Variants in SLC41A1 observed in about 807,000 individuals in gnomAD.
SLC41A1 encodes the protein solute carrier family 41 member 1, also known as solute carrier family 41 (magnesium transporter), member 1.
A neutral mutation model predicts 47.3 loss-of-function variants in SLC41A1; 20 were observed. That is an observed-to-expected ratio of 0.42 (90% CI 0.30 to 0.61). The LOEUF (loss-of-function observed/expected upper bound fraction) is 0.61, where lower values mean the gene tolerates loss of function less well. Ranked by LOEUF, SLC41A1 falls within the 20% of genes least tolerant of loss-of-function variation. SLC41A1 has a pLI of 0.17. For synonymous variants in SLC41A1, 282 were observed against 272.7 expected (o/e 1.03, Z -0.34); for missense variants, 504 against 674.1 (o/e 0.75, Z 2.79).
At position 205,810,749 on chromosome 1, in the gene SLC41A1, A is replaced by T. The variant is rs1656131988; in HGVS notation, c.-308T>A. On this transcript the variant is annotated 5_prime_UTR_variant, in exon 2 of 11. Transcript: ENST00000367137. This position sits in a 1 kb window ranked among gnomAD's most constrained non-coding sequence, Gnocchi z 5.5. ...TTGAAGAAAAAGTATCTGTCCTCTT[A>T]TCTTCTTTGGTTCTCAGTGGCAGGC... 2.3e-6 allele frequency: 1 copy of T among 431,650 alleles called. No homozygotes were observed. The highest frequency in any genetic ancestry group is 4.3e-6 in the Non-Finnish European group (1 of 232,016). The allele number at this position is 431,650 out of a possible 1,614,324, so 26.7% of individuals were successfully genotyped here.
chr1:205,808,048 C>T (rs1055653929), intron 2 of SLC41A1, among the ~76,000 whole-genome samples: 5 of 151,856 alleles, frequency 3.3e-5, no homozygotes, highest in Admixed American at 1.3e-4. Flanking sequence ...CTCCACTTCT[C>T]GGGCTCAAAT....
In SLC41A1 at chr1:205,810,472, T is replaced by C. The variant is rs1656124543; in HGVS notation, c.-31A>G. ...GCACGGAGGAGGGGAAGGGAGAACT[T>C]TCCTCTCTTCTTTTTGCTTTCTCTC... On this transcript the variant is annotated 5_prime_UTR_variant, in exon 2 of 11. Coordinates refer to ENST00000367137, the MANE Select transcript of SLC41A1 (RefSeq NM_173854.6). This position sits in a 1 kb window ranked among gnomAD's most constrained non-coding sequence, Gnocchi z 5.5. 2 of 1,613,942 alleles carry C rather than the reference T, an allele frequency of 1.2e-6. No individual in the cohort carries two copies. Among genetic ancestry groups the C allele is most frequent in the Non-Finnish European group, 1.7e-6 (2 of 1,180,016 alleles).
intron 2 of SLC41A1, among the ~76,000 whole-genome samples, chr1:205,806,983 T>C (rs887552389): frequency 6.6e-6 from 1 of 152,154 alleles, no homozygotes; most frequent in African/African-American, 2.4e-5. Flanking sequence ...AGGCCCAATA[T>C]GGACTCCTGC....
chr1:205,799,972 A>G (rs1655842839), intron 3 of SLC41A1, 142 bp from the exon 4 acceptor site: 1 of 739,688 alleles, frequency 1.4e-6, no homozygotes, highest in Non-Finnish European at 2.4e-6. Flanking sequence ...GGAAAGGTGA[A>G]GCAGGATCAG....
Position 205,810,211 on chromosome 1 carries a change from G to A in SLC41A1, c.231C>T (p.Asp77=), listed in dbSNP as rs750979273. The A allele has an allele frequency of 2.0e-5, 33 of 1,614,230 alleles. No homozygotes were observed. The highest frequency in any genetic ancestry group is 1.7e-4 in the Middle Eastern group (1 of 6,060). ...LENGSQSNES[D]DVSTDRGPAP... is the part of the protein sequence containing the mutation. Reference sequence around the variant, plus strand: ...CAGGGCCACGGTCTGTGCTGACGTCGTCACTTTCGTTGCTCTGGCTCCCGT... The same window carrying A: ...CAGGGCCACGGTCTGTGCTGACGTCATCACTTTCGTTGCTCTGGCTCCCGT... Residue 77 remains aspartate (D), a synonymous_variant, in exon 2 of 11, where the codon GAC becomes GAT. Transcript: ENST00000367137. The surrounding 1 kb of genome is among the most constrained non-coding windows in gnomAD (Gnocchi z 5.5).
chr1:205,795,153 T>G, intron 9 of SLC41A1, 135 bp from the exon 10 acceptor site: 1 of 1,427,100 alleles, frequency 7.0e-7, no homozygotes, highest in South Asian at 1.3e-5. Context: ...CTGCATCCTG[T>G]GGTCTCCAAC....
chr1:205,798,506 G>A (rs1293477090), intron 6 of SLC41A1, among the ~76,000 whole-genome samples, 163 bp downstream of exon 6: 1 of 152,140 alleles, frequency 6.6e-6, no homozygotes, highest in Admixed American at 6.5e-5. Flanking sequence ...TTGAATTTGA[G>A]ATCAGTACTT....
rs764463507 is a variant in SLC41A1, at chr1:205,810,308, G to A, written c.134C>T (p.Ala45Val). 1.2e-6 allele frequency: 2 copies of A among 1,613,992 alleles called. No individual in the cohort carries two copies. Among genetic ancestry groups the A allele is most frequent in the East Asian group, 2.2e-5 (1 of 44,894 alleles). The change falls in exon 2 of 11, where the codon GCT becomes GTT. Residue 45 changes from alanine (A) to valine (V), a missense_variant. Coordinates refer to ENST00000367137, the MANE Select transcript of SLC41A1 (RefSeq NM_173854.6). The surrounding 1 kb of genome is among the most constrained non-coding windows in gnomAD (Gnocchi z 5.5). ...GTSEFLGPDG[A>V]GVEVVIESRA... ...AGACTCAATCACCACCTCTACCCCA[G>A]CCCCATCAGGCCCCAGGAACTCTGA...
rs1558085479 is a variant in SLC41A1, at chr1:205,812,998, C to T, written c.-837G>A. On this transcript the variant is annotated 5_prime_UTR_variant, in exon 1 of 11. Transcript: ENST00000367137. ...ACACCCGGCTCGCTACATTTCGCTT[C>T]TGCGTTACAGCGAGGCCGCCGCTCC... The T allele has an allele frequency of 3.0e-6, 3 of 985,718 alleles. No individual in the cohort carries two copies. The highest frequency in any genetic ancestry group is 3.6e-6 in the Non-Finnish European group (3 of 830,128). The allele number at this position is 985,718 out of a possible 1,614,324, so 61.1% of individuals were successfully genotyped here.
intron 4 of SLC41A1, 122 bp from the exon 5 acceptor site, chr1:205,799,223 C>T (rs1235340172): frequency 1.5e-6 from 2 of 1,310,572 alleles, no homozygotes; most frequent in Non-Finnish European, 2.2e-6. Context: ...GGCTGGACTG[C>T]ATGGTCCAGT....
rs1284437508 is a variant in SLC41A1, at chr1:205,798,987, C to T, written c.667G>A (p.Ala223Thr). The T allele has an allele frequency of 6.2e-7, 1 of 1,614,122 alleles. No homozygotes were observed. Among genetic ancestry groups the T allele is most frequent in the Non-Finnish European group, 8.5e-7 (1 of 1,180,042 alleles). Residue 223 changes from alanine to threonine, a missense_variant, in exon 5 of 11, where the codon GCC (alanine) becomes ACC (threonine). Ala to Thr is a moderately conservative substitution (Grantham distance 58). This residue lies in a region of SLC41A1 where 421 missense variants were observed against 601.6 expected (regional missense o/e 0.70). Coordinates refer to ENST00000367137, the MANE Select transcript of SLC41A1 (RefSeq NM_173854.6). Reference sequence around the variant, plus strand: ...ACCAGGGAGGCAATGAAGGCTGTGGCCACGCTGCTAGCACAGAGCAGGAAG... The same window carrying T: ...ACCAGGGAGGCAATGAAGGCTGTGGTCACGCTGCTAGCACAGAGCAGGAAG... Reference protein sequence around the residue: ...HAFLLCASSVATAFIASLVLG... With the variant: ...HAFLLCASSVTTAFIASLVLG...
Position 205,810,618 on chromosome 1 carries a change from C to G in SLC41A1, c.-177G>C. On this transcript the variant is annotated 5_prime_UTR_variant, in exon 2 of 11. Coordinates refer to ENST00000367137, the MANE Select transcript of SLC41A1 (RefSeq NM_173854.6). This position sits in a 1 kb window ranked among gnomAD's most constrained non-coding sequence, Gnocchi z 5.5. ...CTGCAAAAACTGATCCACCAACAGG[C>G]AGCCCCATCAAGCACTGAAGCCGCA... 1 of 902,286 alleles carries G rather than the reference C, an allele frequency of 1.1e-6. No individual in the cohort carries two copies. Among genetic ancestry groups the G allele is most frequent in the Non-Finnish European group, 1.7e-6 (1 of 597,556 alleles). The allele number at this position is 902,286 out of a possible 1,614,324, so 55.9% of individuals were successfully genotyped here.
chr1:205,807,784 A>G (rs1404591402), intron 2 of SLC41A1, among the ~76,000 whole-genome samples: 2 of 151,252 alleles, frequency 1.3e-5, no homozygotes, highest in Non-Finnish European at 2.9e-5. Context: ...AGCCTCTCAA[A>G]GTGCTGGAAT....
intron 9 of SLC41A1, 119 bp downstream of exon 9, chr1:205,795,225 G>T: frequency 6.5e-7 from 1 of 1,535,166 alleles, no homozygotes; most frequent in Non-Finnish European, 8.9e-7. Flanking sequence ...AGAACAGCTG[G>T]CACAGCCCAG....
In SLC41A1 at chr1:205,789,767, A is replaced by AG. The variant is rs1240806301; in HGVS notation, c.*1765dup. 2 of 152,244 alleles carry AG rather than the reference A, an allele frequency of 1.3e-5. No homozygotes were observed. Among genetic ancestry groups the AG allele is most frequent in the Non-Finnish European group, 2.9e-5 (2 of 68,070 alleles). 9.4% of individuals were successfully genotyped at this position (152,244 alleles called of 1,614,324 possible). A position where few individuals can be genotyped will look rare whatever the true frequency, so the allele number is the denominator to read the frequency against. ...AATATGGTCTCTGGAGGTCTAGGGC[A>AG]GGTTCCTGGGATAAGGTGCAGTGTT... On this transcript the variant is annotated 3_prime_UTR_variant, in exon 11 of 11. Transcript: ENST00000367137.
In SLC41A1 at chr1:205,810,345, A is replaced by C; in HGVS notation, c.97T>G (p.Leu33Val). 1 of 1,614,108 alleles carries C rather than the reference A, an allele frequency of 6.2e-7. No homozygotes were observed. The highest frequency in any genetic ancestry group is 1.1e-5 in the South Asian group (1 of 91,080). The change falls in exon 2 of 11, where the codon TTG becomes GTG. Residue 33 changes from leucine (L) to valine (V), a missense_variant. Physicochemically the swap from Leu to Val is conservative, Grantham distance 32. Coordinates refer to ENST00000367137, the MANE Select transcript of SLC41A1 (RefSeq NM_173854.6). The surrounding 1 kb of genome is among the most constrained non-coding windows in gnomAD (Gnocchi z 5.5). ...CCCAGGAACTCTGAGGTCCCAGCCA[A>C]GGGCTCTCTCCCTGGGCCATCTGAA... ...CSSDGPGREP[L>V]AGTSEFLGPD...
chr1:205,797,571 C>G (rs1035716489), intron 7 of SLC41A1, among the ~76,000 whole-genome samples: 2 of 152,182 alleles, frequency 1.3e-5, no homozygotes, highest in African/African-American at 4.8e-5. Context: ...TCTCTTCCCA[C>G]TGGAATTTGT....
At chr1:205,800,005 G>A (rs1319951318) in intron 3 of SLC41A1, among the ~76,000 whole-genome samples, 175 bp from the exon 4 acceptor site, 1 of 152,242 alleles carries the variant, frequency 6.6e-6, no homozygotes, top group Non-Finnish European at 1.5e-5. Context: ...GAAAGGGAAG[G>A]AGCTAAAGCT....
Position 205,795,374 on chromosome 1 carries a change from G to C in SLC41A1, c.1177C>G (p.Pro393Ala), listed in dbSNP as rs1447096783. ...ENSEQAPRRC[P>A]SPCTTFFSPD... is the part of the protein sequence containing the mutation. ...CTGAAGAAGGTGGTACAAGGACTGGGACAGCGGCGAGGAGCTTGCTCAGAG... is the reference window on the plus strand; with the variant it reads ...CTGAAGAAGGTGGTACAAGGACTGGCACAGCGGCGAGGAGCTTGCTCAGAG... The change falls in exon 9 of 11, where the codon CCC becomes GCC. Residue 393 changes from proline (P) to alanine (A), a missense_variant. By Grantham distance (27) the Pro-to-Ala change is conservative. This residue lies in a region of SLC41A1 where 421 missense variants were observed against 601.6 expected (regional missense o/e 0.70). Coordinates refer to ENST00000367137, the MANE Select transcript of SLC41A1 (RefSeq NM_173854.6). 6.2e-7 allele frequency: 1 copy of C among 1,614,086 alleles called. No individual in the cohort carries two copies. The highest frequency in any genetic ancestry group is 8.5e-7 in the Non-Finnish European group (1 of 1,180,040).
Sources: allele counts gnomAD v4.1 joint callset (sites outside exome capture counted in the v4.1 genomes callset), GRCh38; gene constraint gnomAD v4.1.1; regional missense constraint gnomAD v4.1.1; non-coding constraint Gnocchi (gnomAD v3.1); transcripts MANE v1.5; gene names NCBI Gene and HGNC (gene_info 2026-07-23, HGNC 2026-07-21).